MDGA2: variants seen among roughly 807,000 people sequenced by gnomAD.
The protein encoded by MDGA2 is MAM domain containing glycosylphosphatidylinositol anchor 2, also known as MAM domain-containing glycosylphosphatidylinositol anchor protein 2.
Under a neutral mutation model 117.8 loss-of-function variants are expected in MDGA2, and 40 were observed. The observed-to-expected ratio is 0.34, with a 90% CI of 0.26 to 0.44. The LOEUF (loss-of-function observed/expected upper bound fraction) is 0.44, where lower values mean the gene tolerates loss of function less well. MDGA2 is among the 20% of genes least tolerant of loss of function. The pLI, the probability that MDGA2 is intolerant of heterozygous loss-of-function variation, is 1.00. For synonymous variants in MDGA2, 452 were observed against 439.0 expected (o/e 1.03, Z -0.37); for missense variants, 1,123 against 1,250.6 (o/e 0.90, Z 1.54).
At position 47,561,171 on chromosome 14, in the gene MDGA2, G is replaced by GTTTTTTT. The variant is rs1594918273; in HGVS notation, c.280+113345_280+113346insAAAAAAA. 6.3e-4 allele frequency among the ~76,000 whole-genome samples: 43 copies of GTTTTTTT among 68,410 alleles called. 1 individual carries two copies. Among genetic ancestry groups the GTTTTTTT allele is most frequent in the East Asian group, 3.0e-3 (3 of 1,004 alleles). The allele number at this position is 68,410 out of a possible 152,430, so 44.9% of individuals were successfully genotyped here. A position where few individuals can be genotyped will look rare whatever the true frequency, so the allele number is the denominator to read the frequency against. Reference sequence around the variant, plus strand: ...TTTTTTTGTTTTGTTTTGTTTTTTTGTTTGTTTGTTTTTTTTTGCTTAGGA... The same window carrying GTTTTTTT: ...TTTTTTTGTTTTGTTTTGTTTTTTTGTTTTTTTTTTGTTTGTTTTTTTTTGCTTAGGA... On this transcript the variant is annotated intron_variant, in intron 1 of 16. Coordinates refer to ENST00000399232, the MANE Select transcript of MDGA2 (RefSeq NM_001113498.3).
chr14:47,398,869 C>T (rs528242220), intron 1 of MDGA2, among the ~76,000 whole-genome samples: 5 of 152,232 alleles, frequency 3.3e-5, no homozygotes, highest in African/African-American at 4.8e-5. Context: ...CTATTTCTAG[C>T]ATTGTATTTG....
chr14:46,988,792 A>C (rs1014580759), intron 8 of MDGA2, among the ~76,000 whole-genome samples: 9 of 152,046 alleles, frequency 5.9e-5, no homozygotes, highest in African/African-American at 2.2e-4. Context: ...CAGGAATGAG[A>C]TGTATTTCAG....
chr14:47,204,242 T>C (rs1215895016), intron 3 of MDGA2, among the ~76,000 whole-genome samples: 4 of 152,004 alleles, frequency 2.6e-5, no homozygotes, highest in Admixed American at 6.6e-5. Context: ...AGAGAAGATA[T>C]ATGGTAGACA....
At chr14:47,275,368 C>G (rs1298356811) in intron 2 of MDGA2, among the ~76,000 whole-genome samples, 1 of 152,112 alleles carries the variant, frequency 6.6e-6, no homozygotes, top group Non-Finnish European at 1.5e-5. Flanking sequence ...ATTATTCACA[C>G]TATGCTATTG....
At chr14:47,363,643 A>G (rs1417497974) in intron 1 of MDGA2, among the ~76,000 whole-genome samples, 1 of 152,156 alleles carries the variant, frequency 6.6e-6, no homozygotes, top group Non-Finnish European at 1.5e-5. Context: ...GTCACACAGC[A>G]TGGTAAATGG....
chr14:47,290,396 T>G (rs952403681), intron 2 of MDGA2, among the ~76,000 whole-genome samples: 1 of 152,132 alleles, frequency 6.6e-6, no homozygotes, highest in Non-Finnish European at 1.5e-5. Flanking sequence ...GCCTTAATCT[T>G]GGATTTCTCA....
chr14:46,900,316 A>C (rs1346364328), intron 10 of MDGA2, among the ~76,000 whole-genome samples: 1 of 152,176 alleles, frequency 6.6e-6, no homozygotes, highest in East Asian at 1.9e-4. Flanking sequence ...TTTTAAAACT[A>C]AAGATGGACT....
chr14:47,268,383 C>T (rs2139694530), intron 2 of MDGA2, among the ~76,000 whole-genome samples: 1 of 152,126 alleles, frequency 6.6e-6, no homozygotes, highest in Non-Finnish European at 1.5e-5. Flanking sequence ...CCCTTATTTC[C>T]TTTTTATATA....
chr14:47,480,974 AG>A (rs1442526515), intron 1 of MDGA2, among the ~76,000 whole-genome samples: 1 of 151,978 alleles, frequency 6.6e-6, no homozygotes, highest in Non-Finnish European at 1.5e-5. Flanking sequence ...GTACGAGAGT[AG>A]AAATGGATAA....
intron 6 of MDGA2, among the ~76,000 whole-genome samples, chr14:47,079,999 G>T (rs1452660596): frequency 6.6e-6 from 1 of 152,060 alleles, no homozygotes; most frequent in Non-Finnish European, 1.5e-5. Context: ...CCAAAGTGCT[G>T]GGATTACAGG....
chr14:47,142,919 A>G lies in MDGA2; in HGVS notation c.792+1159T>C, dbSNP rs548263689. Among the ~76,000 whole-genome samples, 13 of 152,336 alleles carry G rather than the reference A, an allele frequency of 8.5e-5. No homozygotes were observed. The South Asian group carries it at 2.3e-3, about 27-fold the overall frequency. On this transcript the variant is annotated intron_variant, in intron 4 of 16. Transcript: ENST00000399232. ...CTGTTCTATACCTTTTAAAAAATAA[A>G]GAATACATATTTTAATTTACAATCT...
intron 3 of MDGA2, among the ~76,000 whole-genome samples, chr14:47,167,664 A>T (rs1386698842): frequency 6.6e-6 from 1 of 152,204 alleles, no homozygotes; most frequent in Non-Finnish European, 1.5e-5. Context: ...GTTAAAGCAC[A>T]TTCCAGCTAC....
intron 5 of MDGA2, among the ~76,000 whole-genome samples, chr14:47,118,582 C>T (rs1333435142): frequency 6.6e-6 from 1 of 152,076 alleles, no homozygotes; most frequent in Non-Finnish European, 1.5e-5. Context: ...CTGAAATATC[C>T]TTGTAGAGCA....
At chr14:47,259,526 A>G (rs1165118604) in intron 2 of MDGA2, among the ~76,000 whole-genome samples, 1 of 152,118 alleles carries the variant, frequency 6.6e-6, no homozygotes, top group African/African-American at 2.4e-5. Context: ...TTTGGTAAAG[A>G]AACCTGTTTG....
At chr14:47,221,932 T>A (rs1388980546) in intron 2 of MDGA2, among the ~76,000 whole-genome samples, 2 of 152,038 alleles carry the variant, frequency 1.3e-5, no homozygotes, top group Non-Finnish European at 2.9e-5. Flanking sequence ...GACAATTTCA[T>A]CTCCTCGAAT....
At chr14:47,192,205 A>G (rs1364254971) in intron 3 of MDGA2, among the ~76,000 whole-genome samples, 1 of 152,206 alleles carries the variant, frequency 6.6e-6, no homozygotes, top group Non-Finnish European at 1.5e-5. Context: ...AATTCTTTGA[A>G]AAGAGGTATG....
Position 46,964,136 on chromosome 14 carries a change from T to A in MDGA2, c.1820-6493A>T, listed in dbSNP as rs114582725. The stretch of plus-strand genomic sequence containing the variant: ...CCCCATGTAAAACTTCAACCTCTCC[T>A]CTGCAAAAACCATGTGAAGAGGCCC... On this transcript the variant is annotated intron_variant, in intron 8 of 16. Coordinates refer to ENST00000399232, the MANE Select transcript of MDGA2 (RefSeq NM_001113498.3). 3.5e-3 allele frequency among the ~76,000 whole-genome samples: 533 copies of A among 152,160 alleles called. 4 individuals are homozygous for A. Among genetic ancestry groups the A allele is most frequent in the African/African-American group, 0.012 (504 of 41,512 alleles).
At chr14:46,968,123 T>C (rs10134041) in intron 8 of MDGA2, among the ~76,000 whole-genome samples, 105,677 of 152,136 alleles carry the variant, frequency 0.69, 37,869 homozygotes, top group African/African-American at 0.84. Context: ...GCTAACACCA[T>C]CTCTGGTGCA....
At chr14:47,156,092 G>T (rs1034472902) in intron 3 of MDGA2, among the ~76,000 whole-genome samples, 36 of 150,998 alleles carry the variant, frequency 2.4e-4, no homozygotes, top group African/African-American at 8.3e-4. Context: ...ATTTTTAGTA[G>T]AGGCGGGGTT....
Sources: gnomAD v4.1 joint callset for allele counts (sites outside exome capture counted in the v4.1 genomes callset) on GRCh38, gnomAD v4.1.1 for gene constraint, MANE v1.5 for transcripts, NCBI Gene and HGNC (gene_info 2026-07-23, HGNC 2026-07-21) for gene names.